Variants in RAP1GDS1 observed in about 807,000 individuals in gnomAD.
RAP1GDS1 encodes RAP1, GTP-GDP dissociation stimulator 1.
A neutral mutation model predicts 71.1 loss-of-function variants in RAP1GDS1; 35 were observed. The ratio of observed to expected loss-of-function variants is 0.49; its 90% CI spans 0.38 to 0.65. The LOEUF is 0.65. Ranked by LOEUF, RAP1GDS1 falls within the 30% of genes least tolerant of loss-of-function variation. The pLI, the probability that RAP1GDS1 is intolerant of heterozygous loss-of-function variation, is 0.00. For synonymous variants in RAP1GDS1, 229 were observed against 243.1 expected, an observed-to-expected ratio of 0.94 and a Z score of 0.54; for missense variants, 663 against 706.1, an observed-to-expected ratio of 0.94 and a Z score of 0.69.
intron 2 of RAP1GDS1, among the ~76,000 whole-genome samples, chr4:98,299,815 A>G (rs1397585712): frequency 1.3e-5 from 2 of 151,558 alleles, no homozygotes; most frequent in African/African-American, 4.8e-5. Flanking sequence ...TTGTGTTTTT[A>G]GTACCATATT....
chr4:98,286,945 A>G (rs1393408047), intron 1 of RAP1GDS1, among the ~76,000 whole-genome samples: 6 of 151,464 alleles, frequency 4.0e-5, no homozygotes, highest in Admixed American at 4.0e-4. Context: ...GAAAATTTTT[A>G]TCACATTTCT....
At chr4:98,350,625 G>A (rs1037914764) in intron 3 of RAP1GDS1, among the ~76,000 whole-genome samples, 6 of 152,128 alleles carry the variant, frequency 3.9e-5, no homozygotes, top group Non-Finnish European at 8.8e-5. Flanking sequence ...GGATCACGAG[G>A]TCAGGAGTTC....
At chr4:98,367,321 C>G (rs1739642900) in intron 4 of RAP1GDS1, among the ~76,000 whole-genome samples, 1 of 152,208 alleles carries the variant, frequency 6.6e-6, no homozygotes, top group Non-Finnish European at 1.5e-5. Flanking sequence ...ACCTACATTG[C>G]AGGAAATGTA....
At chr4:98,318,336 T>C (rs1731250834) in intron 2 of RAP1GDS1, among the ~76,000 whole-genome samples, 1 of 152,210 alleles carries the variant, frequency 6.6e-6, no homozygotes, top group Non-Finnish European at 1.5e-5. Context: ...ACCCTCTGTA[T>C]ACAATGTTTT....
At chr4:98,404,637 C>G in intron 7 of RAP1GDS1, 35 bp downstream of exon 7, 2 of 1,584,518 alleles carry the variant, frequency 1.3e-6, no homozygotes, top group Non-Finnish European at 1.7e-6. Flanking sequence ...GATTTTTGAT[C>G]ATGTATGCTT....
At chr4:98,413,688 A>G (rs1747456127) in intron 7 of RAP1GDS1, among the ~76,000 whole-genome samples, 1 of 152,024 alleles carries the variant, frequency 6.6e-6, no homozygotes, top group Admixed American at 6.6e-5. Context: ...ATACATGTGC[A>G]TGTGTCTTTA....
In RAP1GDS1 at chr4:98,299,843, A is replaced by T. The variant is rs377073210; in HGVS notation, c.112+6328A>T. Among the ~76,000 whole-genome samples, 14 of 151,656 alleles carry T rather than the reference A, an allele frequency of 9.2e-5. No individual in the cohort carries two copies. In the East Asian group the frequency reaches 1.6e-3, roughly 17 times the overall value. On this transcript the variant is annotated intron_variant, in intron 2 of 14. Transcript: ENST00000408927. ...ACCATATTGGCCAGGTTGGTCTCGA[A>T]CTCCTGACCTTGTGATCCACCTGCC...
At chr4:98,296,093 T>C (rs763079730) in intron 2 of RAP1GDS1, among the ~76,000 whole-genome samples, 3 of 152,040 alleles carry the variant, frequency 2.0e-5, no homozygotes, top group Non-Finnish European at 4.4e-5. Context: ...TAATTCTTCC[T>C]TAGTGTCAGG....
In RAP1GDS1 at chr4:98,265,408, C is replaced by G. The variant is rs555658779; in HGVS notation, c.4+3839C>G. Among the ~76,000 whole-genome samples the G allele has an allele frequency of 2.0e-5, 3 of 152,266 alleles. No homozygotes were observed. In the East Asian group the frequency reaches 5.8e-4, roughly 29 times the overall value. On this transcript the variant is annotated intron_variant, in intron 1 of 14. Coordinates refer to ENST00000408927, the MANE Select transcript of RAP1GDS1 (RefSeq NM_001100427.2). ...TCCTTTAGTCTCTGCTCCTTGATAA[C>G]AAGGACGTTGTCATATTAGGATTTG...
chr4:98,282,450 G>A (rs571193916), intron 1 of RAP1GDS1, among the ~76,000 whole-genome samples: 1 of 152,230 alleles, frequency 6.6e-6, no homozygotes, highest in South Asian at 2.1e-4. Flanking sequence ...GGGATCGGTG[G>A]TGATATCCTC....
At chr4:98,395,929 A>G (rs1744471781) in intron 6 of RAP1GDS1, 1 of 152,644 alleles carries the variant, frequency 6.6e-6, no homozygotes. Flanking sequence ...TAATTGGCTC[A>G]TGGTTCTGCA....
intron 2 of RAP1GDS1, among the ~76,000 whole-genome samples, chr4:98,325,238 G>C (rs1288927091): frequency 1.3e-5 from 2 of 151,252 alleles, no homozygotes; most frequent in Admixed American, 1.3e-4. Flanking sequence ...TCTCACACCA[G>C]TTAGAATGGC....
intron 1 of RAP1GDS1, among the ~76,000 whole-genome samples, chr4:98,264,784 A>C (rs17027397): frequency 0.015 from 2,276 of 152,322 alleles, 50 homozygotes; most frequent in African/African-American, 0.052. Context: ...AAAGGTAGAA[A>C]TGAGACTGTT....
chr4:98,349,597 G>A (rs1445122701), intron 3 of RAP1GDS1, among the ~76,000 whole-genome samples: 2 of 152,170 alleles, frequency 1.3e-5, no homozygotes, highest in African/African-American at 2.4e-5. Context: ...TCCTATCCAC[G>A]AGCATAGAAT....
intron 12 of RAP1GDS1, among the ~76,000 whole-genome samples, chr4:98,430,412 T>G (rs1750235634): frequency 1.3e-5 from 2 of 152,230 alleles, no homozygotes; most frequent in African/African-American, 4.8e-5. Flanking sequence ...ATGTCAGAGC[T>G]GTTATTTTCT....
chr4:98,392,625 C>T (rs1167341182), intron 6 of RAP1GDS1, among the ~76,000 whole-genome samples: 1 of 152,138 alleles, frequency 6.6e-6, no homozygotes, highest in Non-Finnish European at 1.5e-5. Context: ...CACTTGAGCC[C>T]AGGAGGCAGA....
intron 4 of RAP1GDS1, among the ~76,000 whole-genome samples, chr4:98,373,319 A>AT (rs1177374489): frequency 1.3e-5 from 2 of 150,850 alleles, no homozygotes; most frequent in Non-Finnish European, 3.0e-5. Context: ...TTTATTTCTT[A>AT]TTTTTTCTGT....
At chr4:98,307,715 T>G (rs933282111) in intron 2 of RAP1GDS1, among the ~76,000 whole-genome samples, 3 of 152,192 alleles carry the variant, frequency 2.0e-5, no homozygotes, top group Non-Finnish European at 2.9e-5. Context: ...TTTATATTTT[T>G]GTATGTATTC....
intron 1 of RAP1GDS1, among the ~76,000 whole-genome samples, chr4:98,292,706 A>G (rs1727151285): frequency 6.6e-6 from 1 of 152,182 alleles, no homozygotes; most frequent in Non-Finnish European, 1.5e-5. Context: ...ATAATTTTAA[A>G]AAGTCTCAGT....
Sources: gnomAD v4.1 joint callset for allele counts (sites outside exome capture counted in the v4.1 genomes callset) on GRCh38, gnomAD v4.1.1 for gene constraint, MANE v1.5 for transcripts, NCBI Gene and HGNC (gene_info 2026-07-23, HGNC 2026-07-21) for gene names.